The following KCNH8 variants were observed in gnomAD, a reference collection of about 807,000 sequenced individuals.
KCNH8 encodes the protein voltage-gated delayed rectifier potassium channel KCNH8.
Under a neutral mutation model 103.6 loss-of-function variants are expected in KCNH8, and 70 were observed. The ratio of observed to expected loss-of-function variants is 0.68; its 90% CI spans 0.56 to 0.82. KCNH8 has a LOEUF of 0.82. KCNH8 is among the 40% of genes least tolerant of loss of function. The pLI, the probability that KCNH8 is intolerant of heterozygous loss-of-function variation, is 0.00. For missense variants in KCNH8, 1,217 were observed against 1,329.9 expected, an observed-to-expected ratio of 0.92 and a Z score of 1.32; for synonymous variants, 498 against 489.4, an observed-to-expected ratio of 1.02 and a Z score of -0.23.
chr3:19,188,071 GT>G (rs2063518921), intron 1 of KCNH8, among the ~76,000 whole-genome samples: 1 of 151,898 alleles, frequency 6.6e-6, no homozygotes, highest in Non-Finnish European at 1.5e-5. Context: ...CCCACCACAT[GT>G]TTTTTGTTAA....
intron 7 of KCNH8, 54 bp downstream of exon 7, chr3:19,395,365 A>G: frequency 7.8e-7 from 1 of 1,277,264 alleles, no homozygotes; most frequent in Non-Finnish European, 1.1e-6. Context: ...AAAAAAGAGT[A>G]TCAAGAACTT....
chr3:19,355,178 A>G (rs1270191102), intron 5 of KCNH8, among the ~76,000 whole-genome samples: 2 of 152,178 alleles, frequency 1.3e-5, no homozygotes, highest in Admixed American at 6.5e-5. Context: ...CAAAACCACA[A>G]TGAGGTACCA....
rs573964919 is a variant in KCNH8 at position 19,351,759 on chromosome 3, C to T, written c.811+3794C>T. On this transcript the variant is annotated intron_variant, in intron 5 of 15. Transcript: ENST00000328405. ...AAGCACTAAACATGGAAAGGAACAA[C>T]CGGTACCAGCCACTGCAAAAATATG... Among the ~76,000 whole-genome samples, 32 of 152,292 alleles carry T rather than the reference C, an allele frequency of 2.1e-4. No individual in the cohort carries two copies. The South Asian group carries it at 6.4e-3, about 31-fold the overall frequency.
intron 1 of KCNH8, among the ~76,000 whole-genome samples, chr3:19,195,535 C>A (rs903646086): frequency 6.6e-6 from 1 of 151,944 alleles, no homozygotes; most frequent in East Asian, 1.9e-4. Context: ...TGGACATCTG[C>A]TTTATCATTT....
chr3:19,278,561 G>A (rs1429133615), intron 2 of KCNH8, among the ~76,000 whole-genome samples: 2 of 144,398 alleles, frequency 1.4e-5, no homozygotes, highest in Non-Finnish European at 3.0e-5. Flanking sequence ...GAGGGAGGGA[G>A]GGAGGAGGAA....
intron 1 of KCNH8, among the ~76,000 whole-genome samples, chr3:19,234,738 G>A (rs912367399): frequency 1.3e-5 from 2 of 152,266 alleles, no homozygotes; most frequent in Non-Finnish European, 2.9e-5. Context: ...GCCAAAGTAG[G>A]AGCCCAGGCA....
chr3:19,462,181 G>C (rs765863519), intron 11 of KCNH8, among the ~76,000 whole-genome samples: 6 of 152,072 alleles, frequency 3.9e-5, no homozygotes, highest in African/African-American at 7.2e-5. Context: ...TGGGTCAAAT[G>C]GTATTTCTGG....
In KCNH8 at chr3:19,419,194, GGT is replaced by G. The variant is rs1483429576; in HGVS notation, c.1178-18969_1178-18968del. Reference sequence around the variant, plus strand: ...AAAAAGAAGTAATTAAAATGGTTTTGGTTTTTTTTTTTTTTTTTTTTTTGAGA... The same window carrying G: ...AAAAAGAAGTAATTAAAATGGTTTTGTTTTTTTTTTTTTTTTTTTTTGAGA... On this transcript the variant is annotated intron_variant, in intron 7 of 15. Coordinates refer to ENST00000328405, the MANE Select transcript of KCNH8 (RefSeq NM_144633.3). Among the ~76,000 whole-genome samples the G allele has an allele frequency of 3.0e-4, 19 of 64,114 alleles. 2 individuals carry two copies. The highest frequency in any genetic ancestry group is 1.4e-3 in the South Asian group (2 of 1,454). The allele number at this position is 64,114 out of a possible 152,430, so 42.1% of individuals were successfully genotyped here. A position where few individuals can be genotyped will look rare whatever the true frequency, so the allele number is the denominator to read the frequency against.
At chr3:19,320,512 A>T (rs2065335829) in intron 3 of KCNH8, among the ~76,000 whole-genome samples, 1 of 151,964 alleles carries the variant, frequency 6.6e-6, no homozygotes, top group East Asian at 1.9e-4. Flanking sequence ...GTATCCCTAC[A>T]TTACTGGTAT....
intron 3 of KCNH8, among the ~76,000 whole-genome samples, chr3:19,285,717 A>G (rs75469610): frequency 6.6e-6 from 1 of 151,570 alleles, no homozygotes; most frequent in East Asian, 1.9e-4. Context: ...AAAAAAAAAA[A>G]TGGTAACCTA....
chr3:19,217,044 T>C (rs1422987701), intron 1 of KCNH8, among the ~76,000 whole-genome samples: 1 of 152,194 alleles, frequency 6.6e-6, no homozygotes, highest in Non-Finnish European at 1.5e-5. Flanking sequence ...TAGAGGATGA[T>C]AGCAAGATGC....
At chr3:19,230,252 A>G (rs866735827) in intron 1 of KCNH8, among the ~76,000 whole-genome samples, 1 of 152,340 alleles carries the variant, frequency 6.6e-6, no homozygotes, top group Middle Eastern at 3.4e-3. Flanking sequence ...GAGCCAAACC[A>G]TATCAGATGT....
intron 1 of KCNH8, among the ~76,000 whole-genome samples, chr3:19,201,264 A>G (rs139357878): frequency 6.9e-6 from 1 of 144,466 alleles, no homozygotes; most frequent in Non-Finnish European, 1.5e-5. Flanking sequence ...AAAAAAAAAG[A>G]AAAGAAAATT....
At chr3:19,199,538 A>C (rs1184565996) in intron 1 of KCNH8, among the ~76,000 whole-genome samples, 1 of 150,364 alleles carries the variant, frequency 6.7e-6, no homozygotes, top group Non-Finnish European at 1.5e-5. Flanking sequence ...TCATTGCTAG[A>C]ATCAATTCAT....
intron 1 of KCNH8, among the ~76,000 whole-genome samples, chr3:19,153,721 C>T (rs1291769294): frequency 1.3e-5 from 2 of 151,170 alleles, no homozygotes; most frequent in Non-Finnish European, 2.9e-5. Context: ...AAACCTCCGC[C>T]TCCCGGGTTC....
At chr3:19,236,603 A>T (rs1297012153) in intron 1 of KCNH8, among the ~76,000 whole-genome samples, 2 of 152,212 alleles carry the variant, frequency 1.3e-5, no homozygotes, top group African/African-American at 4.8e-5. Flanking sequence ...TAACCATTTT[A>T]TATGCCCTTT....
At chr3:19,296,795 G>T (rs371763123) in intron 3 of KCNH8, among the ~76,000 whole-genome samples, 12 of 151,668 alleles carry the variant, frequency 7.9e-5, no homozygotes, top group African/African-American at 2.4e-4. Flanking sequence ...TGCCGCTAAA[G>T]AACTTATTCA....
chr3:19,469,513 C>T (rs1366780043), intron 11 of KCNH8, among the ~76,000 whole-genome samples: 1 of 152,110 alleles, frequency 6.6e-6, no homozygotes, highest in Non-Finnish European at 1.5e-5. Context: ...GATCTCGGCT[C>T]ACTGCAACCT....
At chr3:19,236,579 G>C (rs2064069011) in intron 1 of KCNH8, among the ~76,000 whole-genome samples, 1 of 152,206 alleles carries the variant, frequency 6.6e-6, no homozygotes, top group Non-Finnish European at 1.5e-5. Context: ...GTATTAGGTA[G>C]AACTGTGACA....
Sources: allele counts gnomAD v4.1 joint callset (sites outside exome capture counted in the v4.1 genomes callset), GRCh38; gene constraint gnomAD v4.1.1; transcripts MANE v1.5; gene names NCBI Gene and HGNC (gene_info 2026-07-23, HGNC 2026-07-21).